The following NHEJ1 variants were observed in gnomAD, a reference collection of about 807,000 sequenced individuals.
The protein encoded by NHEJ1 is non-homologous end-joining factor 1.
In NHEJ1, 22 loss-of-function variants were observed where a neutral mutation model predicts 39.4. That is an observed-to-expected ratio of 0.56 (90% confidence interval 0.40 to 0.80). NHEJ1 has a LOEUF of 0.80. Among genes scored for constraint, NHEJ1 ranks in the 30% least tolerant of loss-of-function variants. NHEJ1 has a pLI of 0.00. For synonymous variants in NHEJ1, 154 were observed against 135.6 expected, an observed-to-expected ratio of 1.14 and a Z score of -0.94; for missense variants, 329 against 357.1, an observed-to-expected ratio of 0.92 and a Z score of 0.63.
intron 5 of NHEJ1, among the ~76,000 whole-genome samples, chr2:219,130,142 A>ATC (rs1443778485): frequency 6.6e-6 from 1 of 151,718 alleles, no homozygotes; most frequent in Non-Finnish European, 1.5e-5. Flanking sequence ...AATGATATGC[A>ATC]TCTCATTAGC....
intron 5 of NHEJ1, among the ~76,000 whole-genome samples, chr2:219,106,840 T>G (rs1949318396): frequency 6.6e-6 from 1 of 152,240 alleles, no homozygotes; most frequent in Non-Finnish European, 1.5e-5. Flanking sequence ...TCCCACAGTT[T>G]GGTAAAATGC....
intron 5 of NHEJ1, among the ~76,000 whole-genome samples, chr2:219,112,727 C>G (rs558044666): frequency 2.6e-5 from 4 of 152,296 alleles, no homozygotes; most frequent in South Asian, 2.1e-4. Flanking sequence ...TTTTCAGGAA[C>G]AAACATCACA....
At chr2:219,154,094 T>G (rs1312518139) in intron 3 of NHEJ1, among the ~76,000 whole-genome samples, 1 of 152,188 alleles carries the variant, frequency 6.6e-6, no homozygotes, top group Non-Finnish European at 1.5e-5. Context: ...TTAAATACAA[T>G]GCTATGTTGC....
chr2:219,083,340 C>T (rs1949082718), intron 5 of NHEJ1, among the ~76,000 whole-genome samples: 1 of 151,720 alleles, frequency 6.6e-6, no homozygotes, highest in Non-Finnish European at 1.5e-5. Context: ...TAGTAAAAGG[C>T]TGAGAGTCAG....
chr2:219,145,221 A>AAACAAC (rs148227268), intron 5 of NHEJ1, among the ~76,000 whole-genome samples: 73 of 151,580 alleles, frequency 4.8e-4, no homozygotes, highest in Admixed American at 3.8e-3. Context: ...TTCGTTTCAA[A>AAACAAC]AACAACAACA....
chr2:219,137,580 AAAAAAAAAAAAAC>A (rs1410160833), intron 5 of NHEJ1, among the ~76,000 whole-genome samples: 7 of 141,686 alleles, frequency 4.9e-5, no homozygotes, highest in African/African-American at 1.2e-4. Context: ...CAAAAAAAAA[AAAAAAAAAAAAAC>A]AAAAAAAACT....
rs1559206425 is a variant in NHEJ1 at position 219,159,592 on chromosome 2, T to TATATATGC, written c.-1+1127_-1+1128insGCATATAT. Among the ~76,000 whole-genome samples the TATATATGC allele has an allele frequency of 6.5e-4, 61 of 94,028 alleles. 1 individual carries two copies. The highest frequency in any genetic ancestry group is 2.0e-3 in the African/African-American group (59 of 29,860). The allele number at this position is 94,028 out of a possible 152,430, so 61.7% of individuals were successfully genotyped here. A position where few individuals can be genotyped will look rare whatever the true frequency, so the allele number is the denominator to read the frequency against. ...ATATATATGCATATATATATGCATA[T>TATATATGC]ATATATATGCATATATATACATATA... On this transcript the variant is annotated intron_variant, in intron 1 of 7. Coordinates refer to ENST00000356853, the MANE Select transcript of NHEJ1 (RefSeq NM_024782.3).
chr2:219,155,655 G>A (rs1949846795), intron 3 of NHEJ1, among the ~76,000 whole-genome samples: 1 of 152,140 alleles, frequency 6.6e-6, no homozygotes, highest in East Asian at 1.9e-4. Flanking sequence ...GGGCGCAGTG[G>A]CTCACGCCTC....
chr2:219,129,780 C>T (rs1005033014), intron 5 of NHEJ1, among the ~76,000 whole-genome samples: 3 of 152,370 alleles, frequency 2.0e-5, no homozygotes, highest in East Asian at 3.9e-4. Flanking sequence ...GAGCCGTGCG[C>T]CCCGGGCACC....
intron 5 of NHEJ1, among the ~76,000 whole-genome samples, chr2:219,110,620 G>C (rs1373077389): frequency 6.6e-6 from 1 of 152,008 alleles, no homozygotes; most frequent in Non-Finnish European, 1.5e-5. Flanking sequence ...TGGTGGGGTG[G>C]GGGTGGAGGT....
chr2:219,076,699 A>G (rs1949017664), intron 7 of NHEJ1, among the ~76,000 whole-genome samples: 1 of 151,568 alleles, frequency 6.6e-6, no homozygotes, highest in Admixed American at 6.6e-5. Flanking sequence ...ACATGCTGCC[A>G]TATCTGGCTA....
rs758820263 is a variant in NHEJ1 at position 219,158,332 on chromosome 2, G to C, written c.31C>G (p.Gln11Glu). 1.9e-6 allele frequency: 3 copies of C among 1,614,054 alleles called. No homozygotes were observed. In the African/African-American group the frequency reaches 4.0e-5, roughly 22 times the overall value. ...GCAAGCTGTAGCCACGCCCATGGCT[G>C]CATCAACAGGCCTTGCTCCAGTTCT... MEELEQGLLMQPWAWLQLAEN... is the reference protein window; with the variant it reads MEELEQGLLMEPWAWLQLAEN... Residue 11 changes from glutamine (Q) to glutamate (E), a missense_variant, in exon 2 of 8, where the codon CAG (glutamine) becomes GAG (glutamate). Transcript: ENST00000356853.
At chr2:219,108,573 T>G (rs1047390262) in intron 5 of NHEJ1, among the ~76,000 whole-genome samples, 26 of 152,192 alleles carry the variant, frequency 1.7e-4, no homozygotes, top group African/African-American at 5.8e-4. Context: ...GAACTAAACT[T>G]CTAAAAATTC....
At position 219,076,235 on chromosome 2, in the gene NHEJ1, A is replaced by T; in HGVS notation, c.*146T>A. ...AAGGCCAATTCCCTGTGGGCCTGTC[A>T]ACATCAACTTCAGTTCTCTCGCCCT... On this transcript the variant is annotated 3_prime_UTR_variant, in exon 8 of 8. Transcript: ENST00000356853. The T allele has an allele frequency of 6.5e-7, 1 of 1,537,024 alleles. No homozygotes were observed. The highest frequency in any genetic ancestry group is 8.8e-7 in the Non-Finnish European group (1 of 1,139,646).
At chr2:219,077,107 A>G in intron 7 of NHEJ1, 139 bp downstream of exon 7, 2 of 720,758 alleles carry the variant, frequency 2.8e-6, no homozygotes, top group East Asian at 2.6e-5. Flanking sequence ...CTAGACACCT[A>G]CAATTTGGAG....
chr2:219,109,474 CAAG>C (rs1027027540), intron 5 of NHEJ1, among the ~76,000 whole-genome samples: 1 of 152,184 alleles, frequency 6.6e-6, no homozygotes, highest in African/African-American at 2.4e-5. Context: ...CGTGAAGGAT[CAAG>C]AAGAGAAAAA....
intron 5 of NHEJ1, among the ~76,000 whole-genome samples, chr2:219,125,225 A>C (rs1266056285): frequency 6.6e-6 from 1 of 152,194 alleles, no homozygotes; most frequent in Admixed American, 6.5e-5. Flanking sequence ...TAGAGGACAG[A>C]AAGAGAAGCA....
chr2:219,152,885 C>T lies in NHEJ1; in HGVS notation c.390+4587G>A, dbSNP rs1574745787. 3.3e-5 allele frequency among the ~76,000 whole-genome samples: 5 copies of T among 151,944 alleles called. No homozygotes were observed. The East Asian group carries it at 9.6e-4, about 29-fold the overall frequency. ...TGGCGCAATCTCAGCTCACTGCAAC[C>T]TCCACCTCCCGGGTTCAAGCAATTC... is the stretch of plus-strand genomic sequence containing the variant. On this transcript the variant is annotated intron_variant, in intron 3 of 7. Coordinates refer to ENST00000356853, the MANE Select transcript of NHEJ1 (RefSeq NM_024782.3).
chr2:219,143,015 C>T (rs770469610), intron 5 of NHEJ1, among the ~76,000 whole-genome samples: 1 of 152,196 alleles, frequency 6.6e-6, no homozygotes, highest in African/African-American at 2.4e-5. Flanking sequence ...ATCCTAGCCA[C>T]CTGCCTGGCC....
Sources: allele counts gnomAD v4.1 joint callset (sites outside exome capture counted in the v4.1 genomes callset), GRCh38; gene constraint gnomAD v4.1.1; transcripts MANE v1.5; gene names NCBI Gene and HGNC (gene_info 2026-07-23, HGNC 2026-07-21).